SF1: variants seen among roughly 807,000 people sequenced by gnomAD.
SF1 encodes branch point-binding protein.
SF1 carries 7 observed loss-of-function variants against 62.5 expected under a neutral mutation model. The observed-to-expected ratio is 0.11, with a 90% CI of 0.06 to 0.21. The LOEUF is 0.21. Ranked by LOEUF, SF1 falls within the 10% of genes least tolerant of loss-of-function variation. SF1 has a pLI of 1.00. For synonymous variants in SF1, 394 were observed against 323.6 expected (o/e 1.22, Z -2.33); for missense variants, 578 against 884.0 (o/e 0.65, Z 4.39).
intron 3 of SF1, chr11:64,772,126 C>G (rs536556284): frequency 1.1e-5 from 11 of 985,380 alleles, no homozygotes; most frequent in Middle Eastern, 5.2e-4. Flanking sequence ...AGAGGTTAGA[C>G]TGGCCCGACT....
intron 1 of SF1, chr11:64,777,506 G>A (rs985154563): frequency 2.0e-6 from 2 of 985,210 alleles, no homozygotes; most frequent in Non-Finnish European, 2.4e-6. Flanking sequence ...AACCTCTCCC[G>A]GATGAAAACC....
chr11:64,775,406 G>A (rs1290959503), intron 2 of SF1, among the ~76,000 whole-genome samples: 1 of 152,200 alleles, frequency 6.6e-6, no homozygotes, highest in African/African-American at 2.4e-5. Flanking sequence ...TAAAGACCCA[G>A]ACTAGTCTAA....
chr11:64,771,965 T>G (rs1321433165), intron 3 of SF1: 3 of 985,318 alleles, frequency 3.0e-6, no homozygotes, highest in Admixed American at 1.2e-4. Context: ...GCTTGACATT[T>G]CTAATTCCCA....
At chr11:64,769,663 G>A (rs954960378) in intron 5 of SF1, 54 bp from the exon 6 acceptor site, 64 of 1,521,614 alleles carry the variant, frequency 4.2e-5, no homozygotes, top group South Asian at 8.3e-5. Context: ...ACTCAAGAGG[G>A]AAGAGAGGCT....
In SF1 at chr11:64,767,086, A is replaced by G. The variant is rs1351421169; in HGVS notation, c.1403-7T>C. ...GGTGGTGGCGGCATCATACCTGTGGACAGGTGGAGGCAAAGATGAGGCCTC... is the reference window on the plus strand; with the variant it reads ...GGTGGTGGCGGCATCATACCTGTGGGCAGGTGGAGGCAAAGATGAGGCCTC... On this transcript the variant is annotated splice_polypyrimidine_tract_variant and splice_region_variant and intron_variant, in intron 11 of 12. Coordinates refer to ENST00000377390, the MANE Select transcript of SF1 (RefSeq NM_004630.4). 2 of 1,601,108 alleles carry G rather than the reference A, an allele frequency of 1.2e-6. No individual in the cohort carries two copies. The highest frequency in any genetic ancestry group is 1.3e-5 in the African/African-American group (1 of 74,528).
intron 1 of SF1, 130 bp from the exon 2 acceptor site, chr11:64,776,756 A>G (rs1939318664): frequency 5.7e-6 from 5 of 869,688 alleles, no homozygotes; most frequent in Non-Finnish European, 8.7e-6. Context: ...AAACTTAAAC[A>G]TTAAAAAAAC....
At chr11:64,767,884 CT>C (rs1377771424) in intron 9 of SF1, 40 bp from the exon 10 acceptor site, 1 of 1,598,186 alleles carries the variant, frequency 6.3e-7, no homozygotes. Flanking sequence ...CTGCCTGCGC[CT>C]CCTAGTGGCA....
At position 64,778,466 on chromosome 11, in the gene SF1, G is replaced by T. The variant is rs978699456; in HGVS notation, c.-74C>A. 5.8e-6 allele frequency: 7 copies of T among 1,210,380 alleles called. No homozygotes were observed. The African/African-American group carries it at 6.3e-5, about 11-fold the overall frequency. The allele number at this position is 1,210,380 out of a possible 1,614,324, so 75.0% of individuals were successfully genotyped here. On this transcript the variant is annotated 5_prime_UTR_variant, in exon 1 of 13. Coordinates refer to ENST00000377390, the MANE Select transcript of SF1 (RefSeq NM_004630.4). Reference sequence around the variant, plus strand: ...TTCTCCTTCGCAAGCCTCCCGGGGGGAGGGGACCCGAATGCGCTGCCGGAG... The same window carrying T: ...TTCTCCTTCGCAAGCCTCCCGGGGGTAGGGGACCCGAATGCGCTGCCGGAG...
At chr11:64,772,543 C>A (rs778464541) in intron 3 of SF1, 26 of 985,152 alleles carry the variant, frequency 2.6e-5, no homozygotes, top group Non-Finnish European at 3.0e-5. Flanking sequence ...AAGCTATTAA[C>A]TGGGTAACAA....
chr11:64,773,233 A>G (rs1295830756), intron 3 of SF1, 197 bp downstream of exon 3: 12 of 1,387,626 alleles, frequency 8.6e-6, no homozygotes, highest in Non-Finnish European at 1.1e-5. Context: ...TTCTCCCAAC[A>G]TTTTTAAGTT....
At chr11:64,773,117 G>T in intron 3 of SF1, 1 of 1,179,400 alleles carries the variant, frequency 8.5e-7, no homozygotes, top group Non-Finnish European at 1.1e-6. Context: ...TACTGAAAAG[G>T]CAGGTTAACG....
chr11:64,772,193 G>A, intron 3 of SF1: 1 of 985,246 alleles, frequency 1.0e-6, no homozygotes. Flanking sequence ...CAGTTATCCA[G>A]GAAGCAAAGA....
At chr11:64,770,978 CT>C (rs777904892) in intron 3 of SF1, among the ~76,000 whole-genome samples, 20 of 152,242 alleles carry the variant, frequency 1.3e-4, no homozygotes, top group Non-Finnish European at 2.6e-4. Context: ...TTTGCTTTTC[CT>C]TCAATGGCCT....
intron 3 of SF1, chr11:64,772,784 G>A: frequency 1.0e-6 from 1 of 985,304 alleles, no homozygotes; most frequent in Non-Finnish European, 1.2e-6. Context: ...AGCTGTTTGA[G>A]GCCCACGCTC....
intron 3 of SF1, chr11:64,773,075 ACT>A: frequency 1.8e-6 from 2 of 1,128,930 alleles, no homozygotes; most frequent in African/African-American, 3.4e-5. Flanking sequence ...TGTGAGAAAA[ACT>A]CTATGCCCTG....
Position 64,765,382 on chromosome 11 carries a change from A to T in SF1, c.*436T>A. On this transcript the variant is annotated 3_prime_UTR_variant, in exon 13 of 13. Coordinates refer to ENST00000377390, the MANE Select transcript of SF1 (RefSeq NM_004630.4). ...CAGCGTGTTCCGATTCCGTCCACAAAAATAACTCAGGCTGCTTTGCCGAAC... is the reference window on the plus strand; with the variant it reads ...CAGCGTGTTCCGATTCCGTCCACAATAATAACTCAGGCTGCTTTGCCGAAC... 8.8e-7 allele frequency: 1 copy of T among 1,138,012 alleles called. No individual in the cohort carries two copies. The highest frequency in any genetic ancestry group is 1.3e-6 in the Non-Finnish European group (1 of 759,914). 70.5% of individuals were successfully genotyped at this position (1,138,012 alleles called of 1,614,324 possible).
chr11:64,771,771 G>A (rs777677857), intron 3 of SF1: 16 of 984,560 alleles, frequency 1.6e-5, no homozygotes, highest in South Asian at 4.7e-5. Context: ...AAGTTAAGCA[G>A]CATCAAAATA....
chr11:64,767,457 G>T, intron 10 of SF1, 114 bp downstream of exon 10: 1 of 1,199,770 alleles, frequency 8.3e-7, no homozygotes, highest in Non-Finnish European at 1.2e-6. Flanking sequence ...GGCAAGCCAG[G>T]CAGACCCAGC....
chr11:64,767,679 G>C lies in SF1; in HGVS notation c.1234C>G (p.Pro412Ala). Residue 412 changes from proline (P) to alanine (A), a missense_variant, in exon 10 of 13, where the codon CCC becomes GCC. Physicochemically the swap from Pro to Ala is conservative, Grantham distance 27. This residue lies in a region of SF1 where 410 missense variants were observed against 452.4 expected (regional missense o/e 0.91). Transcript: ENST00000377390. ...PSLTGGHGGH[P>A]MQHNPNGPPP... ...GGTCCATTGGGGTTGTGCTGCATGGGATGTCCACCATGCCCACCTGTCAGG... is the reference window on the plus strand; with the variant it reads ...GGTCCATTGGGGTTGTGCTGCATGGCATGTCCACCATGCCCACCTGTCAGG... 6.2e-7 allele frequency: 1 copy of C among 1,610,128 alleles called. No individual in the cohort carries two copies. The highest frequency in any genetic ancestry group is 8.5e-7 in the Non-Finnish European group (1 of 1,178,160).
Sources: gnomAD v4.1 joint callset for allele counts (sites outside exome capture counted in the v4.1 genomes callset) on GRCh38, gnomAD v4.1.1 for gene constraint, gnomAD v4.1.1 regional missense constraint, MANE v1.5 for transcripts, NCBI Gene and HGNC (gene_info 2026-07-23, HGNC 2026-07-21) for gene names.